Variants in SPARCL1 observed in about 807,000 individuals in gnomAD.
The protein encoded by SPARCL1 is SPARC-like protein 1.
Under a neutral mutation model 67.1 loss-of-function variants are expected in SPARCL1, and 52 were observed. The observed-to-expected ratio is 0.78, with a 90% confidence interval of 0.62 to 0.98. The LOEUF (loss-of-function observed/expected upper bound fraction) is 0.98. Ranked by LOEUF, SPARCL1 falls within the 50% of genes least tolerant of loss-of-function variation. The pLI is 0.00. For synonymous variants in SPARCL1, 226 were observed against 267.8 expected (o/e 0.84, Z 1.52); for missense variants, 717 against 782.4 (o/e 0.92, Z 1.00).
rs1482060456 is a variant in SPARCL1, at chr4:87,482,541, G to A, written c.1551C>T (p.Asp517=). ...GACKSIPTCT[D]FEVIQFPLRM... ...GTAGAGGAAACTGAATCACTTCAAA[G>A]TCCGTACAAGTAGGAATAGCTGTTA... Residue 517 remains aspartate, a synonymous_variant, in exon 8 of 11, where the codon GAC becomes GAT. Transcript: ENST00000282470. The A allele has an allele frequency of 1.2e-6, 2 of 1,614,000 alleles. No individual in the cohort carries two copies. Among genetic ancestry groups the A allele is most frequent in the Admixed American group, 1.7e-5 (1 of 60,012 alleles).
intron 4 of SPARCL1, among the ~76,000 whole-genome samples, chr4:87,491,955 C>CAA (rs68120318): frequency 7.9e-5 from 1 of 12,728 alleles, no homozygotes; most frequent in Non-Finnish European, 1.3e-4. Context: ...CCCCCCCCCC[C>CAA]AAAAAAAAAA....
At chr4:87,475,850 C>T (rs920504019) in intron 10 of SPARCL1, among the ~76,000 whole-genome samples, 2 of 152,152 alleles carry the variant, frequency 1.3e-5, no homozygotes, top group African/African-American at 2.4e-5. Context: ...TAAAACAGAT[C>T]TACTATTCAA....
intron 1 of SPARCL1, among the ~76,000 whole-genome samples, chr4:87,510,633 C>T (rs761584656): frequency 6.6e-6 from 1 of 151,908 alleles, no homozygotes; most frequent in Admixed American, 6.6e-5. Context: ...GAGCCGCTTT[C>T]GTCACTGAAA....
chr4:87,521,193 A>C (rs539263337), intron 1 of SPARCL1, among the ~76,000 whole-genome samples: 1 of 152,326 alleles, frequency 6.6e-6, no homozygotes, highest in Middle Eastern at 3.4e-3. Context: ...ATTAATTTAC[A>C]TTTAAATTTT....
intron 1 of SPARCL1, among the ~76,000 whole-genome samples, chr4:87,523,995 T>G (rs1263707276): frequency 1.3e-5 from 2 of 152,206 alleles, no homozygotes; most frequent in Non-Finnish European, 2.9e-5. Context: ...CTCTCTAGTT[T>G]TGCTCCTTGC....
chr4:87,494,948 A>C (rs750499141), intron 3 of SPARCL1, 33 bp downstream of exon 3: 1 of 1,546,966 alleles, frequency 6.5e-7, no homozygotes, highest in Non-Finnish European at 8.7e-7. Flanking sequence ...GAGAATTAAA[A>C]AATTGTATTA....
intron 10 of SPARCL1, among the ~76,000 whole-genome samples, chr4:87,474,812 G>C (rs1018188323): frequency 6.9e-6 from 1 of 145,762 alleles, no homozygotes; most frequent in Non-Finnish European, 1.5e-5. Flanking sequence ...GCGCAGTCTC[G>C]GCTCACTGCA....
At chr4:87,486,888 C>CTTTT (rs57597004) in intron 7 of SPARCL1, among the ~76,000 whole-genome samples, 21 of 27,990 alleles carry the variant, frequency 7.5e-4, no homozygotes, top group East Asian at 1.1e-3. Flanking sequence ...GCAATTCCTG[C>CTTTT]TTTTTTTTTT....
intron 1 of SPARCL1, among the ~76,000 whole-genome samples, chr4:87,519,244 T>C (rs1725708026): frequency 6.6e-6 from 1 of 152,114 alleles, no homozygotes; most frequent in Admixed American, 6.5e-5. Context: ...CTAATTTTTA[T>C]ATTTTTTAGT....
At chr4:87,479,695 G>A in intron 9 of SPARCL1, 117 bp from the exon 10 acceptor site, 1 of 910,498 alleles carries the variant, frequency 1.1e-6, no homozygotes, top group South Asian at 1.8e-5. Flanking sequence ...GATATAAATA[G>A]AATACAGATA....
chr4:87,475,941 A>C (rs1723566657), intron 10 of SPARCL1, among the ~76,000 whole-genome samples: 1 of 152,242 alleles, frequency 6.6e-6, no homozygotes, highest in South Asian at 2.1e-4. Context: ...TCGTTGCAGC[A>C]CTATTCACAA....
rs1723757917 is a variant in SPARCL1 at position 87,480,313 on chromosome 4, A to ATT, written c.1817+58_1817+59insAA. ...CTGTTTAGATTTTCCTTTTGCATAG[A>ATT]TATGTAGATATTTTATCAGAGAGAT... On this transcript the variant is annotated intron_variant, in intron 9 of 10. Transcript: ENST00000282470. 1.5e-5 allele frequency: 22 copies of ATT among 1,434,228 alleles called. No homozygotes were observed. In the South Asian group the frequency reaches 3.3e-4, roughly 22 times the overall value. 88.8% of individuals were successfully genotyped at this position (1,434,228 alleles called of 1,614,324 possible). A position where few individuals can be genotyped will look rare whatever the true frequency, so the allele number is the denominator to read the frequency against.
intron 8 of SPARCL1, among the ~76,000 whole-genome samples, chr4:87,481,034 A>G (rs1179013862): frequency 6.6e-6 from 1 of 151,876 alleles, no homozygotes; most frequent in African/African-American, 2.4e-5. Flanking sequence ...CATAGCTAAT[A>G]CCCTCAAGGC....
In SPARCL1 at chr4:87,479,510, C is replaced by T. The variant is rs746390354; in HGVS notation, c.1886G>A (p.Arg629His). ...SLVPMEHCITRFFEECDPNKD... is the reference protein window; with the variant it reads ...SLVPMEHCITHFFEECDPNKD... Reference sequence around the variant, plus strand: ...GTTGGGGTCACACTCCTCAAAGAAACGGGTTATGCAGTGTTCCATGGGCAC... The same window carrying T: ...GTTGGGGTCACACTCCTCAAAGAAATGGGTTATGCAGTGTTCCATGGGCAC... Residue 629 changes from arginine to histidine, a missense_variant, in exon 10 of 11, where the codon CGT becomes CAT. Physicochemically the swap from Arg to His is conservative, Grantham distance 29. Coordinates refer to ENST00000282470, the MANE Select transcript of SPARCL1 (RefSeq NM_004684.6). The T allele has an allele frequency of 1.2e-5, 19 of 1,613,906 alleles. No homozygotes were observed. The highest frequency in any genetic ancestry group is 7.7e-5 in the South Asian group (7 of 91,084).
rs1368248570 is a variant in SPARCL1, at chr4:87,494,026, C to T, written c.774G>A (p.Glu258=). 11 of 1,613,940 alleles carry T rather than the reference C, an allele frequency of 6.8e-6. No homozygotes were observed. In the Admixed American group the frequency reaches 1.0e-4, roughly 15 times the overall value. Residue 258 remains glutamate, a synonymous_variant, in exon 4 of 11, where the codon GAG becomes GAA. Coordinates refer to ENST00000282470, the MANE Select transcript of SPARCL1 (RefSeq NM_004684.6). ...CTTGGTTACCCTGATCAAATTCATC[C>T]TCCTGCATCTTGCTTACTTGAGTTG... ...DQPTQVSKMQ[E]DEFDQGNQEQ...
chr4:87,501,152 T>C (rs1724828369), intron 1 of SPARCL1, among the ~76,000 whole-genome samples: 1 of 152,176 alleles, frequency 6.6e-6, no homozygotes, highest in Non-Finnish European at 1.5e-5. Flanking sequence ...ATCCCTCGTG[T>C]CCATTTCGCC....
chr4:87,512,622 A>G (rs907216265), intron 1 of SPARCL1, among the ~76,000 whole-genome samples: 1 of 152,182 alleles, frequency 6.6e-6, no homozygotes, highest in Non-Finnish European at 1.5e-5. Context: ...TCAGCCCCAG[A>G]TGTGTTCCTA....
chr4:87,482,655 A>C, intron 7 of SPARCL1, 95 bp from the exon 8 acceptor site: 1 of 1,391,966 alleles, frequency 7.2e-7, no homozygotes, highest in Non-Finnish European at 1.0e-6. Flanking sequence ...CTGGCAACTG[A>C]CAGAGCTTTC....
At chr4:87,503,241 A>G (rs571472799) in intron 1 of SPARCL1, among the ~76,000 whole-genome samples, 2 of 152,336 alleles carry the variant, frequency 1.3e-5, no homozygotes, top group East Asian at 3.9e-4. Flanking sequence ...TTCAGCCTCT[A>G]TCCTCACCCT....
Sources: gnomAD v4.1 joint callset for allele counts (sites outside exome capture counted in the v4.1 genomes callset) on GRCh38, gnomAD v4.1.1 for gene constraint, MANE v1.5 for transcripts, NCBI Gene and HGNC (gene_info 2026-07-23, HGNC 2026-07-21) for gene names.